MS4A13: variants seen among roughly 807,000 people sequenced by gnomAD.
The protein encoded by MS4A13 is membrane spanning 4-domains A13.
MS4A13 carries 21 observed loss-of-function variants against 18.4 expected under a neutral mutation model. That is an observed-to-expected ratio of 1.14 (90% confidence interval 0.81 to 1.64). The LOEUF is 1.64. MS4A13 is among the 40% of genes most tolerant of loss of function. The probability of loss-of-function intolerance (pLI) is 0.00; values close to 1 mark genes in which losing one functional copy is unlikely to be tolerated. For missense variants in MS4A13, 173 were observed against 176.8 expected (o/e 0.98, Z 0.12); for synonymous variants, 62 against 57.2 (o/e 1.08, Z -0.38).
intron 5 of MS4A13, among the ~76,000 whole-genome samples, chr11:60,527,260 A>T (rs1367048260): frequency 6.6e-6 from 1 of 152,128 alleles, no homozygotes; most frequent in Non-Finnish European, 1.5e-5. Context: ...GTAATAGGAA[A>T]TACAACCCAA....
chr11:60,517,453 G>T (rs2086644884), intron 2 of MS4A13, among the ~76,000 whole-genome samples: 1 of 152,056 alleles, frequency 6.6e-6, no homozygotes, highest in African/African-American at 2.4e-5. Context: ...ACAAATTAGA[G>T]TTGAGTAATA....
At chr11:60,522,276 ATGTG>A (rs1388216928) in intron 3 of MS4A13, among the ~76,000 whole-genome samples, 3 of 147,392 alleles carry the variant, frequency 2.0e-5, no homozygotes, top group Non-Finnish European at 3.0e-5. Context: ...ATATATATGT[ATGTG>A]TGTGTTTGTG....
intron 6 of MS4A13, among the ~76,000 whole-genome samples, chr11:60,538,193 GA>G (rs373782147): frequency 0.025 from 2,715 of 107,704 alleles, 33 homozygotes; most frequent in Non-Finnish European, 0.031. Flanking sequence ...AAAAAAAAAC[GA>G]AAAAAAAAAA....
chr11:60,528,525 A>G (rs144939649), intron 5 of MS4A13, among the ~76,000 whole-genome samples: 34 of 152,292 alleles, frequency 2.2e-4, no homozygotes, highest in Admixed American at 6.5e-4. Context: ...GTTATGTGTC[A>G]TTGCATTCCT....
At chr11:60,533,062 A>T (rs2135265534) in intron 6 of MS4A13, among the ~76,000 whole-genome samples, 1 of 81,872 alleles carries the variant, frequency 1.2e-5, no homozygotes, top group East Asian at 4.1e-4. Context: ...TAAAACCACA[A>T]AGATGGGGAA....
intron 3 of MS4A13, among the ~76,000 whole-genome samples, chr11:60,521,072 G>A (rs376552184): frequency 6.6e-6 from 1 of 152,184 alleles, no homozygotes; most frequent in Non-Finnish European, 1.5e-5. Context: ...CTCTACATTG[G>A]CCCCTTTCAG....
At chr11:60,538,217 C>A (rs1240496538) in intron 6 of MS4A13, among the ~76,000 whole-genome samples, 4 of 146,972 alleles carry the variant, frequency 2.7e-5, no homozygotes, top group Non-Finnish European at 4.5e-5. Context: ...AAGTTGAACT[C>A]ATAGAAGCAG....
rs771146990 is a variant in MS4A13, at chr11:60,529,445, C to T, written c.387C>T (p.Tyr129=). Residue 129 remains tyrosine (Y), a synonymous_variant, in exon 6 of 7, where the codon TAC becomes TAT. Transcript: ENST00000378186. The stretch of plus-strand genomic sequence containing the variant: ...CTATTGCACTTACACACTCAATATA[C>T]AGCTGTTCCAATTTGGTAAGTGTTT... ...EFSIALTHSI[Y]SCSNLFRRQN... The T allele has an allele frequency of 5.0e-6, 8 of 1,600,842 alleles. No homozygotes were observed. The Admixed American group carries it at 1.2e-4, about 24-fold the overall frequency.
intron 6 of MS4A13, among the ~76,000 whole-genome samples, chr11:60,532,444 G>T (rs567983942): frequency 6.6e-6 from 1 of 152,282 alleles, no homozygotes; most frequent in Non-Finnish European, 1.5e-5. Context: ...ACTCCCACCC[G>T]AATATTGCGC....
chr11:60,540,132 C>A (rs987449386), intron 6 of MS4A13, among the ~76,000 whole-genome samples: 1 of 152,146 alleles, frequency 6.6e-6, no homozygotes, highest in African/African-American at 2.4e-5. Context: ...CCCAGGTAAT[C>A]CAGGATGATT....
At chr11:60,526,749 CA>C (rs1228244775) in intron 5 of MS4A13, among the ~76,000 whole-genome samples, 2 of 152,210 alleles carry the variant, frequency 1.3e-5, no homozygotes, top group Admixed American at 6.5e-5. Flanking sequence ...ACAAAGTCAT[CA>C]AGTTTTCAGT....
At chr11:60,538,344 A>G (rs913216972) in intron 6 of MS4A13, among the ~76,000 whole-genome samples, 2 of 151,804 alleles carry the variant, frequency 1.3e-5, no homozygotes, top group African/African-American at 4.8e-5. Flanking sequence ...TTTAGGGATC[A>G]ATTACGTAGA....
Position 60,529,377 on chromosome 11 carries a change from G to A in MS4A13, c.319G>A (p.Glu107Lys), listed in dbSNP as rs1302197161. ...TTTTTGGTTATAGAAACTTGGGAGGGAAGTATCACGTATTTTACTGTTCTT... is the reference window on the plus strand; with the variant it reads ...TTTTTGGTTATAGAAACTTGGGAGGAAAGTATCACGTATTTTACTGTTCTT... ...RNYGQAKLGREVSRILLFFYG... is the reference protein window; with the variant it reads ...RNYGQAKLGRKVSRILLFFYG... The change falls in exon 6 of 7, where the codon GAA (glutamate) becomes AAA (lysine). Residue 107 changes from glutamate (E) to lysine (K), a missense_variant. By Grantham distance (56) the Glu-to-Lys change is moderately conservative. Transcript: ENST00000378186. 1 of 1,601,288 alleles carries A rather than the reference G, an allele frequency of 6.2e-7. No individual in the cohort carries two copies. Among genetic ancestry groups the A allele is most frequent in the Admixed American group, 1.7e-5 (1 of 58,928 alleles).
intron 3 of MS4A13, among the ~76,000 whole-genome samples, 158 bp downstream of exon 3, chr11:60,518,370 C>T (rs573401649): frequency 3.3e-5 from 5 of 152,166 alleles, no homozygotes; most frequent in Admixed American, 2.6e-4. Flanking sequence ...CTTTTTTCAA[C>T]AAATATATAT....
intron 6 of MS4A13, among the ~76,000 whole-genome samples, chr11:60,531,198 G>A (rs754926676): frequency 7.9e-5 from 12 of 152,068 alleles, no homozygotes; most frequent in East Asian, 1.9e-4. Context: ...GACCAAAAGC[G>A]TTATTAAAAC....
intron 6 of MS4A13, among the ~76,000 whole-genome samples, chr11:60,531,867 C>A (rs1189459029): frequency 6.6e-6 from 1 of 152,022 alleles, no homozygotes; most frequent in African/African-American, 2.4e-5. Flanking sequence ...GTTAAAAGAC[C>A]CTATTTCCAA....
At chr11:60,527,679 T>C (rs907185960) in intron 5 of MS4A13, among the ~76,000 whole-genome samples, 5 of 151,712 alleles carry the variant, frequency 3.3e-5, no homozygotes, top group Non-Finnish European at 5.9e-5. Context: ...CCACTAAAAA[T>C]ACAAAAGTTA....
At chr11:60,518,027 T>G in intron 2 of MS4A13, 45 bp from the exon 3 acceptor site, 27 of 1,439,716 alleles carry the variant, frequency 1.9e-5, no homozygotes, top group African/African-American at 2.9e-5. Context: ...GGAATTGTGT[T>G]TTAAATTACA....
At chr11:60,529,340 A>G in intron 5 of MS4A13, 25 bp from the exon 6 acceptor site, 1 of 1,409,946 alleles carries the variant, frequency 7.1e-7, no homozygotes, top group Non-Finnish European at 9.9e-7. Flanking sequence ...TAGCATTAAG[A>G]TTTCTCCCTG....
Sources: gnomAD v4.1 joint callset for allele counts (sites outside exome capture counted in the v4.1 genomes callset) on GRCh38, gnomAD v4.1.1 for gene constraint, MANE v1.5 for transcripts, NCBI Gene and HGNC (gene_info 2026-07-23, HGNC 2026-07-21) for gene names.